The following AKNA variants were observed in gnomAD, a reference collection of about 807,000 sequenced individuals.
AKNA encodes the protein microtubule organization protein AKNA.
In AKNA, 67 loss-of-function variants were observed where a neutral mutation model predicts 138.8. The ratio of observed to expected loss-of-function variants is 0.48; its 90% CI spans 0.40 to 0.59. The LOEUF is 0.59. Among genes scored for constraint, AKNA ranks in the 20% least tolerant of loss-of-function variants. The pLI is 0.00. For missense variants in AKNA, 1,813 were observed against 1,880.4 expected (o/e 0.96, Z 0.66); for synonymous variants, 737 against 754.4 (o/e 0.98, Z 0.38).
chr9:114,383,791 G>A (rs966660472), intron 1 of AKNA, among the ~76,000 whole-genome samples: 3 of 152,208 alleles, frequency 2.0e-5, no homozygotes, highest in Non-Finnish European at 4.4e-5. Flanking sequence ...AGTGCAGCCC[G>A]GGAAAGGCTG....
intron 2 of AKNA, among the ~76,000 whole-genome samples, chr9:114,378,915 C>T (rs1833435623): frequency 2.0e-5 from 3 of 152,246 alleles, no homozygotes. Context: ...TCTGTTCAGG[C>T]AGATGCACCT....
chr9:114,333,224 C>A, downstream of AKNA: 1 of 908,380 alleles, frequency 1.1e-6, no homozygotes, highest in South Asian at 1.7e-5. Flanking sequence ...CCCTCACTTG[C>A]ATCAATAAAG....
At chr9:114,385,468 C>T (rs369538082) in intron 1 of AKNA, among the ~76,000 whole-genome samples, 2 of 152,226 alleles carry the variant, frequency 1.3e-5, no homozygotes, top group African/African-American at 4.8e-5. Flanking sequence ...ATTCTGAAGC[C>T]TCTGCTGAGG....
rs1195695091 is a variant in AKNA at position 114,347,752 on chromosome 9, G to C, written c.3370C>G (p.Pro1124Ala). 1.3e-6 allele frequency: 2 copies of C among 1,539,484 alleles called. No homozygotes were observed. The highest frequency in any genetic ancestry group is 2.5e-5 in the East Asian group (1 of 39,848). The change falls in exon 16 of 22, where the codon CCA becomes GCA. Residue 1124 changes from proline to alanine, a missense_variant. Coordinates refer to ENST00000374088, the MANE Select transcript of AKNA (RefSeq NM_001317950.2). ...ARTRGRPADS[P>A]ATWGSHYGSK... ...CCATAATGGGAGCCCCAGGTGGCTG[G>C]GGAGTCTGCTGGCCGGCCGCGGGTC...
rs370778603 is a variant in AKNA at position 114,379,761 on chromosome 9, G to A, written c.274+1299C>T. Among the ~76,000 whole-genome samples the A allele has an allele frequency of 8.1e-4, 124 of 152,318 alleles. 1 individual carries two copies. The highest frequency in any genetic ancestry group is 2.9e-3 in the African/African-American group (122 of 41,572). ...AGAAGGAACTTGCTAAGCAAAGCTA[G>A]GAATTCAGTCTAAGTTGGTCTGGAT... On this transcript the variant is annotated intron_variant, in intron 2 of 21. Transcript: ENST00000374088.
intron 12 of AKNA, 43 bp downstream of exon 12, chr9:114,357,878 T>C (rs1181420713): frequency 1.9e-6 from 3 of 1,583,016 alleles, no homozygotes; most frequent in South Asian, 2.3e-5. Context: ...GACCCAGGAA[T>C]GACCCTGAGG....
Position 114,361,759 on chromosome 9 carries a change from A to C in AKNA, c.2069T>G (p.Leu690Arg). ...ALPCLHQPTH[L>R]PAPSGQAPMP... The stretch of plus-strand genomic sequence containing the variant: ...GGGGGCTTGTCCAGAAGGAGCAGGC[A>C]GGTGCGTTGGCTGATGGAGGCAGGG... Residue 690 changes from leucine to arginine, a missense_variant, in exon 9 of 22, where the codon CTG becomes CGG. Physicochemically the swap from Leu to Arg is moderately radical, Grantham distance 102. Transcript: ENST00000374088. 1.2e-6 allele frequency: 2 copies of C among 1,613,770 alleles called. No homozygotes were observed. Among genetic ancestry groups the C allele is most frequent in the Non-Finnish European group, 1.7e-6 (2 of 1,180,020 alleles).
rs911267234 is a variant in AKNA, at chr9:114,375,877, G to A, written c.1341+589C>T. 5.6e-5 allele frequency: 24 copies of A among 431,008 alleles called. 1 individual carries two copies. The highest frequency in any genetic ancestry group is 3.1e-4 in the South Asian group (19 of 61,068). 26.7% of individuals were successfully genotyped at this position (431,008 alleles called of 1,614,324 possible). On this transcript the variant is annotated intron_variant, in intron 3 of 21. Coordinates refer to ENST00000374088, the MANE Select transcript of AKNA (RefSeq NM_001317950.2). Reference sequence around the variant, plus strand: ...ACTGGTCTTTTTGAGCAAAGGGCTTGGGTGTATCTCAGGGCTCCAGGTACA... The same window carrying A: ...ACTGGTCTTTTTGAGCAAAGGGCTTAGGTGTATCTCAGGGCTCCAGGTACA...
In AKNA at chr9:114,337,238, G is replaced by C. The variant is rs542469768; in HGVS notation, c.4136C>G (p.Pro1379Arg). The C allele has an allele frequency of 1.3e-5, 21 of 1,573,742 alleles. No individual in the cohort carries two copies. In the East Asian group the frequency reaches 2.1e-4, roughly 15 times the overall value. Residue 1379 changes from proline to arginine, a missense_variant, in exon 22 of 22, where the codon CCA becomes CGA. Pro to Arg is a moderately radical substitution (Grantham distance 103). Transcript: ENST00000374088. ...AAKWPPTASP[P>R]PARRHRHSIQ... ...GGAGTGCCGGTGTCTCCGGGCTGGT[G>C]GGGGAGAGGCTGTGGGCGGCCACTT...
chr9:114,344,754 T>C (rs1830569537), intron 18 of AKNA: 7 of 156,112 alleles, frequency 4.5e-5, no homozygotes, highest in South Asian at 1.9e-4. Flanking sequence ...CTTTAAAGGC[T>C]ACAGAAAACC....
At chr9:114,392,037 C>T (rs559217787), upstream of AKNA, among the ~76,000 whole-genome samples, 5 of 136,994 alleles carry the variant, frequency 3.6e-5, no homozygotes, top group African/African-American at 1.3e-4. Context: ...ACCTGGGAGG[C>T]GGAGGTTGCA....
chr9:114,392,070 C>T (rs1227144406), upstream of AKNA, among the ~76,000 whole-genome samples: 3 of 137,524 alleles, frequency 2.2e-5, no homozygotes, highest in Non-Finnish European at 3.1e-5. Flanking sequence ...CATGTCACTG[C>T]GCTCCAGCCT....
Position 114,381,274 on chromosome 9 carries a change from C to T in AKNA, c.60G>A (p.Gln20=). The T allele has an allele frequency of 1.2e-6, 2 of 1,612,856 alleles. No individual in the cohort carries two copies. Among genetic ancestry groups the T allele is most frequent in the Middle Eastern group, 1.7e-4 (1 of 6,060 alleles). ...WAEPGLGKGP[Q]RRRWAWAEDK... ...CCTCGGCCCAGGCCCAGCGCCGCCGCTGGGGGCCCTTCCCCAGGCCAGGCT... is the reference window on the plus strand; with the variant it reads ...CCTCGGCCCAGGCCCAGCGCCGCCGTTGGGGGCCCTTCCCCAGGCCAGGCT... The change falls in exon 2 of 22, where the codon CAG becomes CAA. Residue 20 remains glutamine, a synonymous_variant. Coordinates refer to ENST00000374088, the MANE Select transcript of AKNA (RefSeq NM_001317950.2).
Position 114,362,504 on chromosome 9 carries a change from C to A in AKNA, c.1818G>T (p.Ala606=), listed in dbSNP as rs373401440. The change falls in exon 8 of 22, where the codon GCG becomes GCT. Residue 606 remains alanine, a synonymous_variant. Coordinates refer to ENST00000374088, the MANE Select transcript of AKNA (RefSeq NM_001317950.2). ...KGFQRLKAAH[A]ALEEEYLKAC... is the part of the protein sequence containing the mutation. ...CCTTCAGGTACTCCTCCTCTAGGGC[C>A]GCGTGGGCAGCCTTCAGCCGCTGGA... The A allele has an allele frequency of 6.2e-7, 1 of 1,613,366 alleles. No homozygotes were observed. The highest frequency in any genetic ancestry group is 1.3e-5 in the African/African-American group (1 of 75,014).
At chr9:114,380,336 T>C (rs1281230141) in intron 2 of AKNA, among the ~76,000 whole-genome samples, 1 of 152,126 alleles carries the variant, frequency 6.6e-6, no homozygotes, top group African/African-American at 2.4e-5. Context: ...CAATTAACCA[T>C]GGAATATCCA....
upstream of AKNA, chr9:114,388,158 T>TG (rs1434214303): frequency 4.5e-6 from 1 of 220,046 alleles, no homozygotes; most frequent in Non-Finnish European, 9.9e-6. Flanking sequence ...CTTAACCCCT[T>TG]GCAAGCCCTC....
intron 21 of AKNA, among the ~76,000 whole-genome samples, chr9:114,341,088 G>A (rs924854555): frequency 2.6e-5 from 4 of 152,162 alleles, no homozygotes; most frequent in Non-Finnish European, 4.4e-5. Context: ...CAGGAGTGAG[G>A]AGGATTGTGG....
chr9:114,369,734 C>T (rs1478717698), intron 4 of AKNA, among the ~76,000 whole-genome samples: 24 of 152,074 alleles, frequency 1.6e-4, no homozygotes. Flanking sequence ...GTCATTACCA[C>T]CACCATCATC....
At chr9:114,367,435 G>A (rs1225435120) in intron 6 of AKNA, 108 bp downstream of exon 6, 1 of 1,353,846 alleles carries the variant, frequency 7.4e-7, no homozygotes, top group East Asian at 2.5e-5. Flanking sequence ...GCAGAGGCAG[G>A]GGAATGACAA....
Sources: allele counts gnomAD v4.1 joint callset (sites outside exome capture counted in the v4.1 genomes callset), GRCh38; gene constraint gnomAD v4.1.1; transcripts MANE v1.5; gene names NCBI Gene and HGNC (gene_info 2026-07-23, HGNC 2026-07-21).